The following HSD17B12 variants were observed in gnomAD, a reference collection of about 807,000 sequenced individuals.
The protein encoded by HSD17B12 is hydroxysteroid 17-beta dehydrogenase 12, also known as very-long-chain 3-oxoacyl-CoA reductase.
A neutral mutation model predicts 39.3 loss-of-function variants in HSD17B12; 32 were observed. The ratio of observed to expected loss-of-function variants is 0.81; its 90% CI spans 0.61 to 1.09. The LOEUF (loss-of-function observed/expected upper bound fraction) is 1.09. HSD17B12 is among the 50% of genes least tolerant of loss of function. The pLI, the probability that HSD17B12 is intolerant of heterozygous loss-of-function variation, is 0.00. For missense variants in HSD17B12, 342 were observed against 382.9 expected, an observed-to-expected ratio of 0.89 and a Z score of 0.89; for synonymous variants, 150 against 146.7, an observed-to-expected ratio of 1.02 and a Z score of -0.16.
At chr11:43,614,596 G>A in the HSD17B12 span, among the ~76,000 whole-genome samples, 12 of 152,156 alleles carry the variant, frequency 7.9e-5, no homozygotes, top group Admixed American at 2.0e-4. Flanking sequence ...AATGTAGGGG[G>A]AAATGGTCAT....
chr11:43,657,053 A>G, the HSD17B12 span, among the ~76,000 whole-genome samples: 8 of 152,018 alleles, frequency 5.3e-5, no homozygotes, highest in Non-Finnish European at 1.2e-4. Flanking sequence ...TTTGTAGGTC[A>G]CTAAGGACTT....
chr11:43,669,932 C>G, the HSD17B12 span, among the ~76,000 whole-genome samples: 1 of 152,164 alleles, frequency 6.6e-6, no homozygotes, highest in South Asian at 2.1e-4. Context: ...ACCCAGGAAA[C>G]AGACTCTGAG....
intron 1 of HSD17B12, among the ~76,000 whole-genome samples, chr11:43,745,583 C>G (rs563156359): frequency 6.6e-6 from 1 of 152,074 alleles, no homozygotes; most frequent in Non-Finnish European, 1.5e-5. Flanking sequence ...CTGTTCATAC[C>G]TAGGTTATAT....
chr11:43,692,139 G>T (rs1278667201), intron 1 of HSD17B12, among the ~76,000 whole-genome samples: 29 of 152,188 alleles, frequency 1.9e-4, no homozygotes, highest in Admixed American at 1.8e-3. Flanking sequence ...GCTCAAAAGT[G>T]TATTTGCACT....
At chr11:43,612,450 T>C in the HSD17B12 span, among the ~76,000 whole-genome samples, 272 of 152,336 alleles carry the variant, frequency 1.8e-3, 2 homozygotes, top group African/African-American at 5.5e-3. Context: ...CCTGGTTCAA[T>C]AGCAACTCAA....
intron 1 of HSD17B12, among the ~76,000 whole-genome samples, chr11:43,683,222 C>T (rs1019208249): frequency 1.8e-4 from 27 of 149,594 alleles, no homozygotes; most frequent in Non-Finnish European, 3.2e-4. Flanking sequence ...CCATAAGTAA[C>T]ATTTGTGTTG....
chr11:43,635,724 C>T, the HSD17B12 span, among the ~76,000 whole-genome samples: 58 of 152,296 alleles, frequency 3.8e-4, no homozygotes, highest in African/African-American at 1.3e-3. Flanking sequence ...GTTTTGAAAA[C>T]ATAAACTATA....
chr11:43,737,647 G>C (rs756208184), intron 1 of HSD17B12, among the ~76,000 whole-genome samples: 1 of 152,144 alleles, frequency 6.6e-6, no homozygotes, highest in African/African-American at 2.4e-5. Context: ...AACCCACAGG[G>C]TTCTGGGTGA....
chr11:43,709,251 G>A lies in HSD17B12; in HGVS notation c.160+28264G>A, dbSNP rs1421283373. On this transcript the variant is annotated intron_variant, in intron 1 of 10. Transcript: ENST00000278353. The stretch of plus-strand genomic sequence containing the variant: ...AGTGATTCTCCTGCCTCAGCCTCCC[G>A]AGTAGCGGGGATTACAGGCGCGCAC... Among the ~76,000 whole-genome samples, 4 of 152,250 alleles carry A rather than the reference G, an allele frequency of 2.6e-5. No homozygotes were observed. The South Asian group carries it at 8.3e-4, about 32-fold the overall frequency.
At chr11:43,639,931 T>C in the HSD17B12 span, among the ~76,000 whole-genome samples, 2 of 152,174 alleles carry the variant, frequency 1.3e-5, no homozygotes, top group Non-Finnish European at 2.9e-5. Context: ...CGGGATGCCC[T>C]GGTGAAGAAC....
chr11:43,789,730 CTTGAGCCCAGGAGT>C (rs1950849302), intron 3 of HSD17B12, among the ~76,000 whole-genome samples: 1 of 152,148 alleles, frequency 6.6e-6, no homozygotes. Context: ...AGGTAGATCA[CTTGAGCCCAGGAGT>C]TTGAGACCAG....
At chr11:43,612,107 A>C in the HSD17B12 span, among the ~76,000 whole-genome samples, 1 of 152,210 alleles carries the variant, frequency 6.6e-6, no homozygotes. Flanking sequence ...TTTCTGGCTG[A>C]AAATGATGAT....
At position 43,772,996 on chromosome 11, in the gene HSD17B12, A is replaced by G. The variant is rs1404693280; in HGVS notation, c.283+18875A>G. ...TGCGGTGGCACGTGCTTATAGTTTC[A>G]GCTGCTTGGGAGGCTGAGGCAGGAG... On this transcript the variant is annotated intron_variant, in intron 3 of 10. Transcript: ENST00000278353. Among the ~76,000 whole-genome samples the G allele has an allele frequency of 4.6e-5, 7 of 152,110 alleles. No homozygotes were observed. The East Asian group carries it at 1.4e-3, about 29-fold the overall frequency.
At chr11:43,806,899 T>C (rs946479318) in intron 4 of HSD17B12, among the ~76,000 whole-genome samples, 2 of 152,220 alleles carry the variant, frequency 1.3e-5, no homozygotes, top group African/African-American at 4.8e-5. Flanking sequence ...TTTGATTATA[T>C]GAATGTACCA....
intron 1 of HSD17B12, among the ~76,000 whole-genome samples, chr11:43,714,475 T>G (rs1305544087): frequency 2.6e-5 from 4 of 152,224 alleles, no homozygotes; most frequent in Non-Finnish European, 5.9e-5. Context: ...TCTGTTCCAT[T>G]GGTCTGTATC....
upstream of HSD17B12, among the ~76,000 whole-genome samples, chr11:43,677,015 T>C (rs566655162): frequency 2.6e-5 from 4 of 152,240 alleles, no homozygotes; most frequent in African/African-American, 9.6e-5. Flanking sequence ...GGTGGGCCTT[T>C]AGTTGAACTG....
At chr11:43,613,310 T>G in the HSD17B12 span, among the ~76,000 whole-genome samples, 1 of 151,914 alleles carries the variant, frequency 6.6e-6, no homozygotes, top group Non-Finnish European at 1.5e-5. Context: ...GGAAACTGCT[T>G]GAGCCTAAAA....
At chr11:43,849,759 T>G (rs1429893390) in intron 9 of HSD17B12, among the ~76,000 whole-genome samples, 1 of 152,216 alleles carries the variant, frequency 6.6e-6, no homozygotes, top group Non-Finnish European at 1.5e-5. Flanking sequence ...TTGTTTGTGG[T>G]CTATATCCTC....
At chr11:43,632,749 T>A in the HSD17B12 span, among the ~76,000 whole-genome samples, 14 of 152,192 alleles carry the variant, frequency 9.2e-5, no homozygotes, top group African/African-American at 3.1e-4. Flanking sequence ...TAAGTTATCA[T>A]AGGTACAATG....
Sources: allele counts gnomAD v4.1 joint callset (sites outside exome capture counted in the v4.1 genomes callset), GRCh38; gene constraint gnomAD v4.1.1; transcripts MANE v1.5; gene names NCBI Gene and HGNC (gene_info 2026-07-23, HGNC 2026-07-21).